FBN1: variants seen among roughly 807,000 people sequenced by gnomAD.
FBN1 encodes the protein fibrillin-1.
A neutral mutation model predicts 365.1 loss-of-function variants in FBN1; 29 were observed. The observed-to-expected ratio is 0.08, with a 90% CI of 0.06 to 0.11. The LOEUF is 0.11. FBN1 is among the 10% of genes least tolerant of loss of function. FBN1 has a pLI of 1.00. For missense variants in FBN1, 2,476 were observed against 3,703.2 expected (o/e 0.67, Z 8.60); for synonymous variants, 1,210 against 1,270.5 (o/e 0.95, Z 1.01).
Position 48,470,618 on chromosome 15 carries a change from C to T in FBN1, c.4459+16G>A, listed in dbSNP as rs777052289. 4.3e-6 allele frequency: 7 copies of T among 1,613,622 alleles called. No individual in the cohort carries two copies. Among genetic ancestry groups the T allele is most frequent in the Non-Finnish European group, 5.9e-6 (7 of 1,179,962 alleles). On this transcript the variant is annotated intron_variant, in intron 36 of 65. Transcript: ENST00000316623. ...GGACACCAGGGAGCTGATTTTGATG[C>T]CAGTGGAGGTCTTACCTGTGCAGTT...
At chr15:48,610,053 G>C (rs1041128796) in intron 4 of FBN1, among the ~76,000 whole-genome samples, 1 of 152,048 alleles carries the variant, frequency 6.6e-6, no homozygotes, top group Non-Finnish European at 1.5e-5. Flanking sequence ...CCATGGGGAC[G>C]GTCAAAGTTT....
At chr15:48,538,237 A>T (rs2044030112) in intron 6 of FBN1, among the ~76,000 whole-genome samples, 1 of 152,192 alleles carries the variant, frequency 6.6e-6, no homozygotes, top group South Asian at 2.1e-4. Flanking sequence ...CAGAGCTTCC[A>T]GTCTATTGTT....
intron 6 of FBN1, among the ~76,000 whole-genome samples, chr15:48,592,521 TAAC>T (rs1317163517): frequency 6.6e-6 from 1 of 152,078 alleles, no homozygotes; most frequent in Non-Finnish European, 1.5e-5. Context: ...AATAATCTGA[TAAC>T]AAATGCTAAC....
intron 6 of FBN1, among the ~76,000 whole-genome samples, chr15:48,586,536 T>C (rs568751488): frequency 6.6e-6 from 1 of 152,316 alleles, no homozygotes; most frequent in East Asian, 1.9e-4. Context: ...GCATGCACAC[T>C]GACCACATCA....
At chr15:48,506,335 T>C (rs2043707446) in intron 15 of FBN1, among the ~76,000 whole-genome samples, 1 of 152,302 alleles carries the variant, frequency 6.6e-6, no homozygotes, top group East Asian at 1.9e-4. Context: ...AAAAGGCAAA[T>C]TGAGAGTAAA....
chr15:48,540,379 G>T (rs1209720686), intron 6 of FBN1, among the ~76,000 whole-genome samples: 1 of 152,012 alleles, frequency 6.6e-6, no homozygotes, highest in Non-Finnish European at 1.5e-5. Flanking sequence ...ATAAAATAAG[G>T]ATTATACTAA....
chr15:48,437,115 T>A (rs778511468), intron 52 of FBN1, 38 bp from the exon 53 acceptor site: 4 of 1,399,996 alleles, frequency 2.9e-6, no homozygotes, highest in African/African-American at 1.4e-5. Context: ...TAACAAGGTA[T>A]TTTTTAAACG....
chr15:48,580,416 A>G (rs1167551463), intron 6 of FBN1, among the ~76,000 whole-genome samples: 4 of 152,174 alleles, frequency 2.6e-5, no homozygotes, highest in African/African-American at 9.7e-5. Context: ...TCCCTCTGAC[A>G]TAAGCTTTTT....
intron 40 of FBN1, 133 bp downstream of exon 40, chr15:48,465,435 T>C: frequency 1.0e-6 from 1 of 996,150 alleles, no homozygotes; most frequent in Non-Finnish European, 1.6e-6. Context: ...GTGAGACATA[T>C]CTACCTGGCT....
chr15:48,594,172 A>T (rs945940651), intron 6 of FBN1, among the ~76,000 whole-genome samples: 1 of 152,186 alleles, frequency 6.6e-6, no homozygotes, highest in Non-Finnish European at 1.5e-5. Context: ...AGACTCTACA[A>T]ATGGAAATAG....
chr15:48,488,584 G>C, intron 25 of FBN1, 91 bp from the exon 26 acceptor site: 1 of 1,468,556 alleles, frequency 6.8e-7, no homozygotes, highest in African/African-American at 1.4e-5. Context: ...ATGAAGGTTG[G>C]AAGTTCTTGA....
chr15:48,644,546 G>A, intron 2 of FBN1, 60 bp downstream of exon 2: 1 of 1,608,734 alleles, frequency 6.2e-7, no homozygotes, highest in Non-Finnish European at 8.5e-7. Flanking sequence ...CATCCTGCCC[G>A]TTGTTCTGGA....
intron 52 of FBN1, 61 bp from the exon 53 acceptor site, chr15:48,437,138 A>T: frequency 7.9e-7 from 1 of 1,272,318 alleles, no homozygotes; most frequent in Non-Finnish European, 1.2e-6. Context: ...AAGATAAATT[A>T]TGATCATTTC....
chr15:48,437,929 A>G lies in FBN1; in HGVS notation c.6164-12T>C, dbSNP rs751798984. The G allele has an allele frequency of 5.0e-6, 8 of 1,613,422 alleles. No individual in the cohort carries two copies. In the South Asian group the frequency reaches 8.8e-5, roughly 18 times the overall value. ...GCTCATTCGCAAATCTGCAGCATAA[A>G]TTTATGACACCCTTCAGTTGCTTTC... On this transcript the variant is annotated splice_polypyrimidine_tract_variant and intron_variant, in intron 50 of 65. Transcript: ENST00000316623.
intron 3 of FBN1, among the ~76,000 whole-genome samples, chr15:48,611,975 T>C (rs1231851194): frequency 6.6e-6 from 1 of 152,182 alleles, no homozygotes; most frequent in Non-Finnish European, 1.5e-5. Flanking sequence ...AAACAAACTG[T>C]CAAAGATCCA....
chr15:48,487,528 T>C, intron 27 of FBN1, 91 bp from the exon 28 acceptor site: 1 of 1,538,020 alleles, frequency 6.5e-7, no homozygotes, highest in Non-Finnish European at 8.9e-7. Flanking sequence ...TGGGTGTCCA[T>C]CTTGACCTCC....
chr15:48,472,512 A>T (rs151321101), intron 35 of FBN1, 39 bp downstream of exon 35: 13 of 1,613,078 alleles, frequency 8.1e-6, no homozygotes, highest in Middle Eastern at 1.7e-4. Context: ...TAATCTCATC[A>T]AGCCCAGCAA....
chr15:48,469,120 TATAA>T, intron 36 of FBN1, among the ~76,000 whole-genome samples: 1 of 123,618 alleles, frequency 8.1e-6, no homozygotes, highest in African/African-American at 3.2e-5. Context: ...TACATATATA[TATAA>T]AATATAATAT....
chr15:48,454,472 C>G (rs1034349423), intron 44 of FBN1, among the ~76,000 whole-genome samples: 1 of 152,212 alleles, frequency 6.6e-6, no homozygotes, highest in Admixed American at 6.5e-5. Context: ...ACAACAACAA[C>G]AAAAAACAGA....
Sources: gnomAD v4.1 joint callset for allele counts (sites outside exome capture counted in the v4.1 genomes callset) on GRCh38, gnomAD v4.1.1 for gene constraint, MANE v1.5 for transcripts, NCBI Gene and HGNC (gene_info 2026-07-23, HGNC 2026-07-21) for gene names.